Variants in SMARCA2 observed in about 807,000 individuals in gnomAD.
SMARCA2 encodes SWI/SNF-related matrix-associated actin-dependent regulator of chromatin subfamily A member 2.
A neutral mutation model predicts 199.8 loss-of-function variants in SMARCA2; 61 were observed. The observed-to-expected ratio is 0.31, with a 90% CI of 0.25 to 0.38. SMARCA2 has a LOEUF of 0.38. Ranked by LOEUF, SMARCA2 falls within the 10% of genes least tolerant of loss-of-function variation. The pLI is 1.00. For synonymous variants in SMARCA2, 935 were observed against 732.0 expected, an observed-to-expected ratio of 1.28 and a Z score of -4.48; for missense variants, 1,344 against 2,012.2, an observed-to-expected ratio of 0.67 and a Z score of 6.35.
chr9:2,159,796 C>CTT, intron 27 of SMARCA2: 1 of 1,603,346 alleles, frequency 6.2e-7, no homozygotes, highest in South Asian at 1.1e-5. Flanking sequence ...CCCCAGCTCT[C>CTT]TTTTTTTTCC....
intron 14 of SMARCA2, among the ~76,000 whole-genome samples, chr9:2,079,359 A>G (rs1203599042): frequency 6.6e-6 from 1 of 152,218 alleles, no homozygotes; most frequent in East Asian, 1.9e-4. Context: ...ACACTTTAGG[A>G]AGTGTACTTG....
intron 23 of SMARCA2, among the ~76,000 whole-genome samples, chr9:2,109,408 T>C (rs543347506): frequency 3.9e-5 from 6 of 152,166 alleles, no homozygotes; most frequent in Non-Finnish European, 5.9e-5. Context: ...TAATATGTGA[T>C]TGAGTGGCTC....
At chr9:2,175,734 G>A (rs1213026474) in intron 29 of SMARCA2, among the ~76,000 whole-genome samples, 1 of 152,084 alleles carries the variant, frequency 6.6e-6, no homozygotes, top group African/African-American at 2.4e-5. Flanking sequence ...CTTCATTTTG[G>A]TGAATAAGAG....
intron 27 of SMARCA2, among the ~76,000 whole-genome samples, chr9:2,148,365 G>T (rs948837795): frequency 6.6e-5 from 10 of 151,466 alleles, no homozygotes; most frequent in African/African-American, 2.2e-4. Context: ...CATAAGTAGT[G>T]GTCAGTTGAG....
chr9:2,170,496 CTA>C lies in SMARCA2; in HGVS notation c.4253+26_4253+27del. 1 of 1,613,944 alleles carries C rather than the reference CTA, an allele frequency of 6.2e-7. No individual in the cohort carries two copies. Among genetic ancestry groups the C allele is most frequent in the Non-Finnish European group, 8.5e-7 (1 of 1,179,912 alleles). ...AGGTCAGGATCTGTCTTGTATTCCC[CTA>C]TCTCTAAATACAGGTATCCCTCGTT... On this transcript the variant is annotated intron_variant, in intron 29 of 33. Coordinates refer to ENST00000349721, the MANE Select transcript of SMARCA2 (RefSeq NM_003070.5). This position sits in a 1 kb window ranked among gnomAD's most constrained non-coding sequence, Gnocchi z 4.7.
chr9:2,091,708 T>C (rs1291186059), intron 19 of SMARCA2, among the ~76,000 whole-genome samples: 1 of 152,214 alleles, frequency 6.6e-6, no homozygotes, highest in Non-Finnish European at 1.5e-5. Context: ...AAGCACTGGG[T>C]AGTCCCACCA....
At chr9:2,024,286 C>G (rs886892027) in intron 1 of SMARCA2, among the ~76,000 whole-genome samples, 1 of 152,126 alleles carries the variant, frequency 6.6e-6, no homozygotes, top group African/African-American at 2.4e-5. Context: ...AACCTCTGAG[C>G]TAAAGGTAAT....
intron 27 of SMARCA2, among the ~76,000 whole-genome samples, chr9:2,153,776 G>C (rs543879427): frequency 6.6e-6 from 1 of 152,202 alleles, no homozygotes; most frequent in African/African-American, 2.4e-5. Flanking sequence ...GAACTTGCAT[G>C]GTTACTTTTA....
chr9:2,185,598 T>C (rs888863914), intron 31 of SMARCA2, among the ~76,000 whole-genome samples: 1 of 152,208 alleles, frequency 6.6e-6, no homozygotes, highest in African/African-American at 2.4e-5. Context: ...TTTGAACTTA[T>C]ATCTTTCAGC....
chr9:2,090,636 T>A (rs754822165), intron 19 of SMARCA2, among the ~76,000 whole-genome samples: 1 of 152,162 alleles, frequency 6.6e-6, no homozygotes, highest in Non-Finnish European at 1.5e-5. Flanking sequence ...GCTTCTACCA[T>A]ATTCCTTATT....
intron 1 of SMARCA2, chr9:2,015,871 G>C (rs1205342985): frequency 6.6e-6 from 1 of 152,326 alleles, no homozygotes; most frequent in Non-Finnish European, 1.5e-5. Flanking sequence ...GCGGGGAGGG[G>C]GGTGGCCGCA....
chr9:2,045,681 A>G (rs1016457237), intron 4 of SMARCA2: 1 of 152,158 alleles, frequency 6.6e-6, no homozygotes, highest in South Asian at 2.1e-4. Flanking sequence ...AATAAAATGA[A>G]GTGCATTTTC....
chr9:2,103,701 A>G (rs1311022330), intron 22 of SMARCA2, among the ~76,000 whole-genome samples: 1 of 151,716 alleles, frequency 6.6e-6, no homozygotes, highest in Non-Finnish European at 1.5e-5. Flanking sequence ...AGGAGAAAGA[A>G]TAAGTTGAGA....
In SMARCA2 at chr9:2,047,359, G is replaced by C; in HGVS notation, c.921G>C (p.Val307=). The C allele has an allele frequency of 6.7e-7, 1 of 1,495,868 alleles. No homozygotes were observed. The highest frequency in any genetic ancestry group is 8.9e-7 in the Non-Finnish European group (1 of 1,118,882). The allele number at this position is 1,495,868 out of a possible 1,614,324, so 92.7% of individuals were successfully genotyped here. The change falls in exon 5 of 34, where the codon GTG becomes GTC. Residue 307 remains valine (V), a synonymous_variant. Coordinates refer to ENST00000349721, the MANE Select transcript of SMARCA2 (RefSeq NM_003070.5). ...PPAAAVPGPS[V]PQPAPGQPSP... ...CGGCCGCAGTGCCCGGGCCCTCAGT[G>C]CCGCAGCCGGCCCCGGGGCAGCCCT...
At chr9:2,190,563 C>T (rs551765327) in intron 32 of SMARCA2, among the ~76,000 whole-genome samples, 17 of 152,088 alleles carry the variant, frequency 1.1e-4, no homozygotes, top group African/African-American at 2.9e-4. Context: ...CAAGTATGTA[C>T]GTGTGTATAT....
At chr9:2,191,498 C>A in intron 33 of SMARCA2, 90 bp downstream of exon 33, 4 of 1,374,014 alleles carry the variant, frequency 2.9e-6, no homozygotes, top group Non-Finnish European at 4.1e-6. Flanking sequence ...AGCCTTTTCG[C>A]TTTATTACCC....
intron 8 of SMARCA2, among the ~76,000 whole-genome samples, chr9:2,059,022 C>A (rs1820472177): frequency 6.6e-6 from 1 of 152,100 alleles, no homozygotes; most frequent in Admixed American, 6.5e-5. Context: ...AAAGGCTATT[C>A]ATGGATTATT....
intron 27 of SMARCA2, among the ~76,000 whole-genome samples, chr9:2,157,067 C>G (rs567299954): frequency 6.6e-6 from 1 of 152,148 alleles, no homozygotes; most frequent in African/African-American, 2.4e-5. Context: ...ATTCTGCATC[C>G]AAAAGTGCTA....
chr9:2,137,708 C>T (rs952532520), intron 27 of SMARCA2, among the ~76,000 whole-genome samples: 1 of 152,214 alleles, frequency 6.6e-6, no homozygotes, highest in Non-Finnish European at 1.5e-5. Flanking sequence ...GGGCCTTTGC[C>T]TGTCTTCTTG....
Sources: gnomAD v4.1 joint callset for allele counts (sites outside exome capture counted in the v4.1 genomes callset) on GRCh38, gnomAD v4.1.1 for gene constraint, Gnocchi (gnomAD v3.1) non-coding constraint, MANE v1.5 for transcripts, NCBI Gene and HGNC (gene_info 2026-07-23, HGNC 2026-07-21) for gene names.